ZCWPW2: variants seen among roughly 807,000 people sequenced by gnomAD.
The protein encoded by ZCWPW2 is zinc finger CW-type and PWWP domain containing 2, also known as zinc finger CW-type PWWP domain protein 2.
ZCWPW2 carries 45 observed loss-of-function variants against 46.6 expected under a neutral mutation model. The observed-to-expected ratio is 0.96, with a 90% CI of 0.76 to 1.24. ZCWPW2 has a LOEUF of 1.24. Ranked by LOEUF, ZCWPW2 falls within the 50% of genes most tolerant of loss-of-function variation. The pLI is 0.00. For missense variants in ZCWPW2, 429 were observed against 403.9 expected (o/e 1.06, Z -0.53); for synonymous variants, 152 against 137.1 (o/e 1.11, Z -0.76).
At chr3:28,421,565 T>C (rs1175921767) in intron 3 of ZCWPW2, among the ~76,000 whole-genome samples, 1 of 151,946 alleles carries the variant, frequency 6.6e-6, no homozygotes, top group Non-Finnish European at 1.5e-5. Context: ...TCATTGGAGC[T>C]TTTTTTGTTT....
intron 3 of ZCWPW2, among the ~76,000 whole-genome samples, chr3:28,421,566 T>C (rs76852242): frequency 0.012 from 1,806 of 152,146 alleles, 41 homozygotes; most frequent in African/African-American, 0.041. Context: ...CATTGGAGCT[T>C]TTTTTGTTTG....
chr3:28,354,481 G>A (rs1353551609), intron 1 of ZCWPW2, among the ~76,000 whole-genome samples: 1 of 139,752 alleles, frequency 7.2e-6, no homozygotes, highest in East Asian at 2.0e-4. Flanking sequence ...GAAAAAGAGG[G>A]AATCCTCCCT....
intron 2 of ZCWPW2, among the ~76,000 whole-genome samples, chr3:28,403,177 A>G (rs1044290626): frequency 7.2e-5 from 11 of 152,138 alleles, no homozygotes; most frequent in African/African-American, 2.7e-4. Flanking sequence ...AGTTCCTAGA[A>G]CTGATAAAAT....
rs1695994578 is a variant in ZCWPW2, at chr3:28,402,649, C to CT, written c.-13-10404dup. On this transcript the variant is annotated intron_variant, in intron 2 of 9. Coordinates refer to ENST00000383768, the MANE Select transcript of ZCWPW2 (RefSeq NM_001040432.4). The stretch of plus-strand genomic sequence containing the variant: ...TCGTGATGAACATAGTTGCTGAAAT[C>CT]TTTAACAAAATACTAGCTAATCAAA... 4.6e-5 allele frequency among the ~76,000 whole-genome samples: 7 copies of CT among 152,214 alleles called. 1 individual carries two copies. The East Asian group carries it at 1.4e-3, about 29-fold the overall frequency.
intron 2 of ZCWPW2, among the ~76,000 whole-genome samples, chr3:28,411,884 C>T (rs1258076925): frequency 6.6e-6 from 1 of 152,024 alleles, no homozygotes; most frequent in Non-Finnish European, 1.5e-5. Flanking sequence ...CAGTGTTACA[C>T]TGAATGTTTT....
intron 3 of ZCWPW2, among the ~76,000 whole-genome samples, chr3:28,431,457 T>C (rs1286798005): frequency 6.6e-6 from 1 of 152,112 alleles, no homozygotes; most frequent in Non-Finnish European, 1.5e-5. Flanking sequence ...CTGTGCCCTA[T>C]CATGGTCTTC....
At chr3:28,519,394 AG>A (rs1700660254) in intron 8 of ZCWPW2, among the ~76,000 whole-genome samples, 1 of 152,188 alleles carries the variant, frequency 6.6e-6, no homozygotes, top group African/African-American at 2.4e-5. Flanking sequence ...GCTTGGGGAA[AG>A]CAGTAAATAT....
At chr3:28,402,918 A>G (rs1363779700) in intron 2 of ZCWPW2, among the ~76,000 whole-genome samples, 2 of 152,190 alleles carry the variant, frequency 1.3e-5, no homozygotes, top group East Asian at 1.9e-4. Context: ...AAAGCCATCT[A>G]TGACAAACTC....
At chr3:28,353,454 C>G (rs1038910765) in intron 1 of ZCWPW2, among the ~76,000 whole-genome samples, 2 of 152,044 alleles carry the variant, frequency 1.3e-5, no homozygotes, top group Non-Finnish European at 2.9e-5. Flanking sequence ...GCATGATATC[C>G]AGTTCCCAGC....
chr3:28,363,129 CG>C (rs1472390184), intron 1 of ZCWPW2, among the ~76,000 whole-genome samples: 5 of 151,914 alleles, frequency 3.3e-5, no homozygotes, highest in Non-Finnish European at 5.9e-5. Context: ...GCTTAGTACC[CG>C]GCTGAGGAAA....
chr3:28,469,733 A>T, intron 4 of ZCWPW2, among the ~76,000 whole-genome samples: 1 of 151,536 alleles, frequency 6.6e-6, no homozygotes, highest in Middle Eastern at 3.4e-3. Context: ...TGATATATAT[A>T]TGTATATATA....
At chr3:28,514,685 A>T (rs1176614897) in intron 7 of ZCWPW2, among the ~76,000 whole-genome samples, 1 of 152,232 alleles carries the variant, frequency 6.6e-6, no homozygotes, top group Non-Finnish European at 1.5e-5. Context: ...TTTGAAACAG[A>T]ACTTTTAAAG....
intron 3 of ZCWPW2, among the ~76,000 whole-genome samples, chr3:28,431,521 T>C (rs1697258232): frequency 6.6e-6 from 1 of 152,162 alleles, no homozygotes; most frequent in Non-Finnish European, 1.5e-5. Flanking sequence ...CCAGTCATAC[T>C]GGATTAGGGC....
intron 4 of ZCWPW2, among the ~76,000 whole-genome samples, chr3:28,436,749 G>A (rs982898561): frequency 9.2e-5 from 14 of 152,198 alleles, no homozygotes; most frequent in African/African-American, 2.2e-4. Context: ...TCCAGTCATC[G>A]TTATACGAGG....
At chr3:28,438,224 A>G (rs1422704913) in intron 4 of ZCWPW2, among the ~76,000 whole-genome samples, 1 of 152,200 alleles carries the variant, frequency 6.6e-6, no homozygotes, top group African/African-American at 2.4e-5. Context: ...GCAGCTAGCT[A>G]CTGTTATTGT....
At chr3:28,444,310 T>G (rs898106081) in intron 4 of ZCWPW2, among the ~76,000 whole-genome samples, 4 of 152,180 alleles carry the variant, frequency 2.6e-5, no homozygotes, top group African/African-American at 9.7e-5. Context: ...GTCTAGAAGA[T>G]AACATGAGTG....
At chr3:28,482,804 T>C (rs1405475599) in intron 5 of ZCWPW2, among the ~76,000 whole-genome samples, 1 of 152,196 alleles carries the variant, frequency 6.6e-6, no homozygotes, top group Non-Finnish European at 1.5e-5. Flanking sequence ...TCTTCTTTGG[T>C]GAGTTGTTTT....
intron 2 of ZCWPW2, among the ~76,000 whole-genome samples, chr3:28,405,250 A>G (rs1290999538): frequency 1.3e-5 from 2 of 152,256 alleles, no homozygotes; most frequent in East Asian, 3.9e-4. Context: ...TGATATTTTG[A>G]AATCCTAACC....
intron 4 of ZCWPW2, among the ~76,000 whole-genome samples, chr3:28,455,999 A>G (rs571745140): frequency 6.9e-4 from 105 of 152,248 alleles, no homozygotes; most frequent in African/African-American, 2.4e-3. Flanking sequence ...ATTTTGAAAG[A>G]GCTTTTTCTA....
Sources: gnomAD v4.1 joint callset for allele counts (sites outside exome capture counted in the v4.1 genomes callset) on GRCh38, gnomAD v4.1.1 for gene constraint, MANE v1.5 for transcripts, NCBI Gene and HGNC (gene_info 2026-07-23, HGNC 2026-07-21) for gene names.